NTRK2: variants seen among roughly 807,000 people sequenced by gnomAD.
NTRK2 encodes the protein neurotrophic receptor tyrosine kinase 2.
A neutral mutation model predicts 94.5 loss-of-function variants in NTRK2; 13 were observed. That is an observed-to-expected ratio of 0.14 (90% CI 0.09 to 0.22). NTRK2 has a LOEUF of 0.22. Among genes scored for constraint, NTRK2 ranks in the 10% least tolerant of loss-of-function variants. NTRK2 has a pLI of 1.00. For missense variants in NTRK2, 639 were observed against 1,071.2 expected (o/e 0.60, Z 5.63); for synonymous variants, 372 against 407.4 (o/e 0.91, Z 1.05).
chr9:84,696,800 G>T (rs1187341), intron 2 of NTRK2, among the ~76,000 whole-genome samples: 92,919 of 152,028 alleles, frequency 0.61, 28,606 homozygotes, highest in East Asian at 0.71. Flanking sequence ...TCAAGCAGTC[G>T]TGGAGGGTCC....
At chr9:84,799,257 C>G (rs1211124308) in intron 12 of NTRK2, among the ~76,000 whole-genome samples, 1 of 152,066 alleles carries the variant, frequency 6.6e-6, no homozygotes, top group Non-Finnish European at 1.5e-5. Flanking sequence ...CCTTCAAGAT[C>G]ATGCTTCAAG....
chr9:84,813,636 G>C (rs1489493385), intron 12 of NTRK2: 9 of 1,065,918 alleles, frequency 8.4e-6, no homozygotes, highest in Non-Finnish European at 9.1e-6. Context: ...ACCCTCAGCT[G>C]TCTCCCTTTG....
intron 14 of NTRK2, chr9:84,871,993 A>C: frequency 6.5e-7 from 1 of 1,534,770 alleles, no homozygotes; most frequent in South Asian, 1.2e-5. Context: ...TTTCCAAGAC[A>C]AAGCAGTGTG....
At chr9:84,690,549 A>C (rs936701936) in intron 2 of NTRK2, among the ~76,000 whole-genome samples, 7 of 28,038 alleles carry the variant, frequency 2.5e-4, no homozygotes, top group Non-Finnish European at 4.9e-4. Flanking sequence ...AATTTATTAC[A>C]AAAAAAAACA....
intron 12 of NTRK2, among the ~76,000 whole-genome samples, chr9:84,790,229 C>G (rs889686687): frequency 6.6e-6 from 1 of 152,178 alleles, no homozygotes; most frequent in Non-Finnish European, 1.5e-5. Context: ...TTTTATTTGT[C>G]ATTACCTTTT....
At chr9:84,924,408 A>G (rs2077687017) in intron 14 of NTRK2, among the ~76,000 whole-genome samples, 1 of 152,194 alleles carries the variant, frequency 6.6e-6, no homozygotes, top group Non-Finnish European at 1.5e-5. Context: ...ACAGAGTCAG[A>G]GATAAGACTG....
At chr9:84,951,293 TAAGTGA>T (rs1454145796) in intron 16 of NTRK2, among the ~76,000 whole-genome samples, 1 of 152,212 alleles carries the variant, frequency 6.6e-6, no homozygotes, top group African/African-American at 2.4e-5. Flanking sequence ...ATTTTTCTTG[TAAGTGA>T]TAGGACAGGG....
intron 17 of NTRK2, among the ~76,000 whole-genome samples, chr9:85,016,380 G>A (rs1208847017): frequency 6.6e-6 from 1 of 152,160 alleles, no homozygotes; most frequent in Non-Finnish European, 1.5e-5. Context: ...GGTGAGTTTA[G>A]TGAAGACCAT....
intron 12 of NTRK2, among the ~76,000 whole-genome samples, chr9:84,840,745 G>T (rs1319125119): frequency 6.6e-6 from 1 of 152,082 alleles, no homozygotes; most frequent in Non-Finnish European, 1.5e-5. Context: ...TCTCGAAAGG[G>T]TTCTTTCTTT....
intron 14 of NTRK2, among the ~76,000 whole-genome samples, chr9:84,893,234 A>G (rs2076648456): frequency 1.3e-5 from 2 of 152,162 alleles, no homozygotes; most frequent in South Asian, 2.1e-4. Context: ...TTTTTAAACC[A>G]TAGATTCATT....
At chr9:85,018,062 T>C (rs557310187) in intron 17 of NTRK2, among the ~76,000 whole-genome samples, 2 of 152,282 alleles carry the variant, frequency 1.3e-5, no homozygotes, top group Admixed American at 6.5e-5. Flanking sequence ...CATGTTTGTA[T>C]CTTAAGAGGT....
chr9:84,761,813 G>A (rs17379953), intron 12 of NTRK2, among the ~76,000 whole-genome samples: 3,938 of 152,270 alleles, frequency 0.026, 75 homozygotes, highest in Admixed American at 0.046. Flanking sequence ...GGCATTCCCA[G>A]TGAATCTGTT....
At chr9:84,868,675 A>G (rs1192690272) in intron 14 of NTRK2, among the ~76,000 whole-genome samples, 1 of 152,190 alleles carries the variant, frequency 6.6e-6, no homozygotes, top group Non-Finnish European at 1.5e-5. Context: ...TGTGGTGTGA[A>G]CAAGGTGAGT....
chr9:85,006,141 T>G, intron 17 of NTRK2, among the ~76,000 whole-genome samples: 1 of 152,218 alleles, frequency 6.6e-6, no homozygotes, highest in East Asian at 1.9e-4. Context: ...CTTTTTGCAA[T>G]AAGTGTTTAA....
intron 14 of NTRK2, chr9:84,871,745 C>T (rs1490175416): frequency 2.6e-6 from 4 of 1,561,560 alleles, no homozygotes; most frequent in Non-Finnish European, 3.5e-6. Flanking sequence ...GGCTGAATTC[C>T]TCCCGAGCAC....
At chr9:84,828,383 T>C (rs181321456) in intron 12 of NTRK2, among the ~76,000 whole-genome samples, 88 of 152,348 alleles carry the variant, frequency 5.8e-4, no homozygotes, top group African/African-American at 2.0e-3. Flanking sequence ...GAATTTATTT[T>C]TATGACAGGG....
In NTRK2 at chr9:84,670,612, C is replaced by G; in HGVS notation, c.-137C>G. 1.2e-6 allele frequency: 1 copy of G among 858,746 alleles called. No homozygotes were observed. Among genetic ancestry groups the G allele is most frequent in the Non-Finnish European group, 1.9e-6 (1 of 521,676 alleles). The allele number at this position is 858,746 out of a possible 1,614,324, so 53.2% of individuals were successfully genotyped here. A position where few individuals can be genotyped will look rare whatever the true frequency, so the allele number is the denominator to read the frequency against. ...CCGGACCAGCTCAGCCTCTGATAAGCTGGACTCGGCACGCCCGCAACAAGC... is the reference window on the plus strand; with the variant it reads ...CCGGACCAGCTCAGCCTCTGATAAGGTGGACTCGGCACGCCCGCAACAAGC... On this transcript the variant is annotated 5_prime_UTR_variant, in exon 2 of 19. Coordinates refer to ENST00000277120, the MANE Select transcript of NTRK2 (RefSeq NM_006180.6).
At chr9:84,931,415 AAAG>A (rs1364644721) in intron 14 of NTRK2, among the ~76,000 whole-genome samples, 6 of 149,896 alleles carry the variant, frequency 4.0e-5, no homozygotes, top group Admixed American at 1.3e-4. Context: ...TCAAAAAAAA[AAAG>A]AGAGAGAGAG....
intron 12 of NTRK2, among the ~76,000 whole-genome samples, chr9:84,759,195 C>T (rs954028834): frequency 2.0e-5 from 3 of 152,190 alleles, no homozygotes; most frequent in South Asian, 2.1e-4. Flanking sequence ...TGTTGTTTGG[C>T]GATGCTATAG....
Sources: allele counts gnomAD v4.1 joint callset (sites outside exome capture counted in the v4.1 genomes callset), GRCh38; gene constraint gnomAD v4.1.1; transcripts MANE v1.5; gene names NCBI Gene and HGNC (gene_info 2026-07-23, HGNC 2026-07-21).